The following STK32B variants were observed in gnomAD, a reference collection of about 807,000 sequenced individuals.
The protein encoded by STK32B is serine/threonine-protein kinase 32B.
Under a neutral mutation model 52.6 loss-of-function variants are expected in STK32B, and 43 were observed. The ratio of observed to expected loss-of-function variants is 0.82; its 90% CI spans 0.64 to 1.05. STK32B has a LOEUF of 1.05. Ranked by LOEUF, STK32B falls within the 50% of genes least tolerant of loss-of-function variation. The pLI is 0.00. For synonymous variants in STK32B, 238 were observed against 204.3 expected, an observed-to-expected ratio of 1.17 and a Z score of -1.41; for missense variants, 621 against 534.6, an observed-to-expected ratio of 1.16 and a Z score of -1.59.
intron 2 of STK32B, among the ~76,000 whole-genome samples, chr4:5,146,304 G>A (rs560895693): frequency 1.1e-4 from 16 of 152,138 alleles, no homozygotes; most frequent in African/African-American, 3.1e-4. Flanking sequence ...TAGGGAAACC[G>A]AAAATGCAGC....
chr4:5,411,595 A>T (rs1224783942), intron 5 of STK32B, among the ~76,000 whole-genome samples: 1 of 152,202 alleles, frequency 6.6e-6, no homozygotes, highest in Non-Finnish European at 1.5e-5. Flanking sequence ...AAGTACTAAG[A>T]CATTTTATAT....
chr4:5,275,718 G>A (rs1237968539), intron 3 of STK32B, among the ~76,000 whole-genome samples: 1 of 152,040 alleles, frequency 6.6e-6, no homozygotes, highest in East Asian at 1.9e-4. Context: ...GGGATTGAAG[G>A]CTGAGTTAAA....
intron 1 of STK32B, among the ~76,000 whole-genome samples, chr4:5,064,914 A>G (rs1742359419): frequency 6.7e-6 from 1 of 149,912 alleles, no homozygotes; most frequent in African/African-American, 2.5e-5. Flanking sequence ...CTTAAGATTT[A>G]TGCATATTAT....
At chr4:5,091,215 TAAAA>T (rs948726388) in intron 1 of STK32B, among the ~76,000 whole-genome samples, 1 of 151,936 alleles carries the variant, frequency 6.6e-6, no homozygotes, top group African/African-American at 2.4e-5. Context: ...AAAGTAAAAA[TAAAA>T]AATATAAATT....
chr4:5,165,202 G>A (rs1229669962), intron 2 of STK32B, among the ~76,000 whole-genome samples: 1 of 152,130 alleles, frequency 6.6e-6, no homozygotes, highest in Non-Finnish European at 1.5e-5. Context: ...GCATCAAGCT[G>A]GCCAAGACCC....
chr4:5,317,437 CATATATACATA>C lies in STK32B; in HGVS notation c.261-13775_261-13765del, dbSNP rs1731148369. 4.6e-4 allele frequency among the ~76,000 whole-genome samples: 10 copies of C among 21,844 alleles called. 2 individuals are homozygous for C. The highest frequency in any genetic ancestry group is 3.3e-3 in the African/African-American group (10 of 2,986). The allele number at this position is 21,844 out of a possible 152,430, so 14.3% of individuals were successfully genotyped here. ...TATTATATATAATACATATATATTA[CATATATACATA>C]ATATATATAATATATATGTATAATA... On this transcript the variant is annotated intron_variant, in intron 3 of 11. Transcript: ENST00000282908.
At chr4:5,030,062 T>G in the STK32B span, among the ~76,000 whole-genome samples, 1 of 152,208 alleles carries the variant, frequency 6.6e-6, no homozygotes, top group Admixed American at 6.5e-5. Flanking sequence ...ATGGTTAAGT[T>G]TCCTGAGGTC....
the STK32B span, among the ~76,000 whole-genome samples, chr4:5,027,638 G>GT: frequency 6.7e-5 from 10 of 149,840 alleles, no homozygotes; most frequent in African/African-American, 2.4e-4. Context: ...TGTGGTTTTG[G>GT]TTTTTGTTCT....
At chr4:5,137,921 A>G (rs561933625) in intron 1 of STK32B, among the ~76,000 whole-genome samples, 1 of 140,372 alleles carries the variant, frequency 7.1e-6, no homozygotes, top group Non-Finnish European at 1.5e-5. Flanking sequence ...ATATGGTGCT[A>G]TTCAGGGAAC....
chr4:5,160,333 T>C (rs7436808), intron 2 of STK32B, among the ~76,000 whole-genome samples: 1 of 152,142 alleles, frequency 6.6e-6, no homozygotes, highest in Non-Finnish European at 1.5e-5. Context: ...TTAAGGCAAA[T>C]ACCACTCTTA....
the STK32B span, among the ~76,000 whole-genome samples, chr4:5,027,257 C>T: frequency 1.3e-5 from 2 of 152,200 alleles, no homozygotes; most frequent in Non-Finnish European, 2.9e-5. Context: ...AACACCAAGG[C>T]TGGGCTTTGC....
At chr4:5,183,872 A>C (rs1720541180) in intron 3 of STK32B, among the ~76,000 whole-genome samples, 1 of 151,710 alleles carries the variant, frequency 6.6e-6, no homozygotes. Flanking sequence ...CAGCTTCCTC[A>C]CCTCTTTCAG....
chr4:5,235,963 C>T (rs1311524608), intron 3 of STK32B, among the ~76,000 whole-genome samples: 1 of 152,108 alleles, frequency 6.6e-6, no homozygotes, highest in Non-Finnish European at 1.5e-5. Flanking sequence ...ACATGGGGGA[C>T]CAGCAGGAGG....
At chr4:5,342,977 T>G (rs1207174711) in intron 4 of STK32B, among the ~76,000 whole-genome samples, 1 of 152,218 alleles carries the variant, frequency 6.6e-6, no homozygotes, top group Non-Finnish European at 1.5e-5. Context: ...TACTTTAAGT[T>G]TTAGGGTACA....
At chr4:5,272,927 A>G (rs377406133) in intron 3 of STK32B, among the ~76,000 whole-genome samples, 6 of 147,110 alleles carry the variant, frequency 4.1e-5, no homozygotes, top group African/African-American at 1.0e-4. Context: ...GGACATAGGC[A>G]TGGGCAAGGA....
the STK32B span, among the ~76,000 whole-genome samples, chr4:5,033,323 C>G: frequency 3.9e-5 from 6 of 152,168 alleles, no homozygotes; most frequent in Non-Finnish European, 8.8e-5. Context: ...CCGTGGAAAC[C>G]CTGCTTCTCC....
At chr4:5,299,164 C>T (rs1729395951) in intron 3 of STK32B, among the ~76,000 whole-genome samples, 1 of 151,920 alleles carries the variant, frequency 6.6e-6, no homozygotes, top group African/African-American at 2.4e-5. Flanking sequence ...GAACTGGGTA[C>T]CTCAGTTGGA....
chr4:5,319,340 A>G (rs1234203301), intron 3 of STK32B, among the ~76,000 whole-genome samples: 3 of 152,174 alleles, frequency 2.0e-5, no homozygotes, highest in African/African-American at 7.2e-5. Flanking sequence ...CAATGAAGCA[A>G]TATTGCCTCA....
chr4:5,200,796 G>T (rs1029457917), intron 3 of STK32B, among the ~76,000 whole-genome samples: 1 of 152,106 alleles, frequency 6.6e-6, no homozygotes, highest in African/African-American at 2.4e-5. Flanking sequence ...CACATCAATG[G>T]GGAAGCCTTA....
Sources: gnomAD v4.1 joint callset for allele counts (sites outside exome capture counted in the v4.1 genomes callset) on GRCh38, gnomAD v4.1.1 for gene constraint, MANE v1.5 for transcripts, NCBI Gene and HGNC (gene_info 2026-07-23, HGNC 2026-07-21) for gene names.